The following ITGAM variants were observed in gnomAD, a reference collection of about 807,000 sequenced individuals.
ITGAM encodes the protein integrin alpha-M.
Under a neutral mutation model 137.5 loss-of-function variants are expected in ITGAM, and 79 were observed. That is an observed-to-expected ratio of 0.57 (90% CI 0.48 to 0.69). ITGAM has a LOEUF of 0.69. Ranked by LOEUF, ITGAM falls within the 30% of genes least tolerant of loss-of-function variation. The pLI is 0.00. For synonymous variants in ITGAM, 583 were observed against 592.3 expected, an observed-to-expected ratio of 0.98 and a Z score of 0.23; for missense variants, 1,343 against 1,483.5, an observed-to-expected ratio of 0.91 and a Z score of 1.56.
intron 12 of ITGAM, among the ~76,000 whole-genome samples, chr16:31,281,947 T>A (rs1255514000): frequency 6.6e-6 from 1 of 152,240 alleles, no homozygotes; most frequent in Non-Finnish European, 1.5e-5. Context: ...TCAAAGAACA[T>A]CTTTATTTCT....
intron 14 of ITGAM, among the ~76,000 whole-genome samples, chr16:31,302,924 CTTT>C (rs2080224728): frequency 7.9e-5 from 1 of 12,640 alleles, no homozygotes; most frequent in African/African-American, 3.0e-4. Context: ...CTCCCTCTTT[CTTT>C]CTTTCTTTCT....
intron 2 of ITGAM, among the ~76,000 whole-genome samples, chr16:31,263,098 C>T (rs530052526): frequency 7.2e-5 from 11 of 152,216 alleles, no homozygotes; most frequent in South Asian, 4.1e-4. Flanking sequence ...CCTGCCACCA[C>T]GCCTGGCTAA....
rs1259176616 is a variant in ITGAM, at chr16:31,325,719, A to G, written c.2628+97A>G. ...CTTTAGTAGTGGTTCCTTTTTGTAC[A>G]AAACAGCTTTATTGAGATATAATTC... On this transcript the variant is annotated intron_variant, in intron 21 of 29. Transcript: ENST00000544665. The G allele has an allele frequency of 1.3e-5, 19 of 1,420,636 alleles. No individual in the cohort carries two copies. In the East Asian group the frequency reaches 1.4e-4, roughly 10 times the overall value. The allele number at this position is 1,420,636 out of a possible 1,614,324, so 88.0% of individuals were successfully genotyped here.
At chr16:31,311,377 C>A (rs1018268701) in intron 14 of ITGAM, among the ~76,000 whole-genome samples, 1 of 152,090 alleles carries the variant, frequency 6.6e-6, no homozygotes, top group Non-Finnish European at 1.5e-5. Flanking sequence ...ATTTTTGCAA[C>A]CTACTCATCT....
chr16:31,331,720 G>A lies in ITGAM; in HGVS notation c.*13G>A. The A allele has an allele frequency of 2.5e-6, 4 of 1,584,284 alleles. No individual in the cohort carries two copies. The highest frequency in any genetic ancestry group is 1.7e-4 in the Middle Eastern group (1 of 5,974). Reference sequence around the variant, plus strand: ...CGAACCCCAGTAGCGGCTCCTTCCCGACAGAGCTGCCTCTCGGTGGCCAGC... The same window carrying A: ...CGAACCCCAGTAGCGGCTCCTTCCCAACAGAGCTGCCTCTCGGTGGCCAGC... On this transcript the variant is annotated 3_prime_UTR_variant, in exon 30 of 30. Transcript: ENST00000544665.
intron 12 of ITGAM, among the ~76,000 whole-genome samples, chr16:31,284,074 A>G (rs948591617): frequency 7.9e-5 from 12 of 152,104 alleles, no homozygotes; most frequent in African/African-American, 2.9e-4. Flanking sequence ...TTGCTGCCTG[A>G]TTCTTCCTCT....
At chr16:31,272,728 C>T (rs903358420) in intron 7 of ITGAM, among the ~76,000 whole-genome samples, 1 of 151,100 alleles carries the variant, frequency 6.6e-6, no homozygotes, top group African/African-American at 2.4e-5. Flanking sequence ...AGGTGATTCA[C>T]CTGACTTGGC....
chr16:31,283,835 T>C (rs1002870278), intron 12 of ITGAM, among the ~76,000 whole-genome samples: 4 of 152,254 alleles, frequency 2.6e-5, no homozygotes, highest in Non-Finnish European at 5.9e-5. Context: ...TTTTCTGCTC[T>C]GGTTTCTCCC....
chr16:31,325,236 C>A (rs919936489), intron 19 of ITGAM, 27 bp from the exon 20 acceptor site: 1 of 1,596,580 alleles, frequency 6.3e-7, no homozygotes. Flanking sequence ...GCGCCCCATC[C>A]CCCGGCCTGT....
intron 7 of ITGAM, 51 bp from the exon 8 acceptor site, chr16:31,273,314 T>C: frequency 7.1e-7 from 1 of 1,408,542 alleles, no homozygotes; most frequent in Non-Finnish European, 9.6e-7. Context: ...AAAAAAAAAC[T>C]AGTGTGTCAT....
chr16:31,270,653 A>G (rs1283637302), intron 5 of ITGAM, among the ~76,000 whole-genome samples: 1 of 140,078 alleles, frequency 7.1e-6, no homozygotes, highest in Non-Finnish European at 1.5e-5. Flanking sequence ...AGCTGGGACT[A>G]CAGGCATGTG....
intron 8 of ITGAM, chr16:31,273,794 C>A: frequency 3.5e-6 from 1 of 289,618 alleles, no homozygotes; most frequent in Non-Finnish European, 6.5e-6. Context: ...GGTTGGCAGG[C>A]TGCTCTGCTG....
At chr16:31,268,051 A>G (rs2079789274) in intron 5 of ITGAM, among the ~76,000 whole-genome samples, 1 of 152,074 alleles carries the variant, frequency 6.6e-6, no homozygotes, top group Non-Finnish European at 1.5e-5. Flanking sequence ...ATCAACCACC[A>G]CAATCGATAG....
chr16:31,318,569 C>T (rs2080416172), intron 14 of ITGAM, among the ~76,000 whole-genome samples: 1 of 152,080 alleles, frequency 6.6e-6, no homozygotes, highest in Non-Finnish European at 1.5e-5. Flanking sequence ...GTTTTGAACT[C>T]CTCATCTCAG....
chr16:31,316,397 A>AG (rs1158548332), intron 14 of ITGAM, among the ~76,000 whole-genome samples: 1 of 151,694 alleles, frequency 6.6e-6, no homozygotes, highest in Non-Finnish European at 1.5e-5. Context: ...GAAAAAAAAA[A>AG]AAAAGAAAAG....
In ITGAM at chr16:31,271,914, C is replaced by T; in HGVS notation, c.626C>T (p.Pro209Leu). ...HFTFKEFQNN[P>L]NPRSLVKPIT... ...ACCTTCAAAGAGTTCCAGAACAACC[C>T]TAACCCAAGATCACTGGTGAAGCCA... Residue 209 changes from proline to leucine, a missense_variant, in exon 7 of 30, where the codon CCT becomes CTT. Pro to Leu is a moderately conservative substitution (Grantham distance 98). Coordinates refer to ENST00000544665, the MANE Select transcript of ITGAM (RefSeq NM_000632.4). The T allele has an allele frequency of 6.2e-7, 1 of 1,614,016 alleles. No individual in the cohort carries two copies. Among genetic ancestry groups the T allele is most frequent in the Non-Finnish European group, 8.5e-7 (1 of 1,179,888 alleles).
At chr16:31,307,422 G>A (rs568933177) in intron 14 of ITGAM, among the ~76,000 whole-genome samples, 2 of 152,182 alleles carry the variant, frequency 1.3e-5, no homozygotes, top group East Asian at 3.8e-4. Flanking sequence ...GTGAATGGAA[G>A]TGCACTCATG....
chr16:31,331,700 C>A lies in ITGAM; in HGVS notation c.3452C>A (p.Pro1151His), dbSNP rs747958354. 6.2e-7 allele frequency: 1 copy of A among 1,604,494 alleles called. No homozygotes were observed. Among genetic ancestry groups the A allele is most frequent in the Non-Finnish European group, 8.5e-7 (1 of 1,175,712 alleles). The change falls in exon 30 of 30, where the codon CCC becomes CAC. Residue 1151 changes from proline (P) to histidine (H), a missense_variant. Physicochemically the swap from Pro to His is moderately conservative, Grantham distance 77 (BLOSUM62 -2). Transcript: ENST00000544665. ...MSEGGPPGAE[P>H]Q The stretch of plus-strand genomic sequence containing the variant: ...GAAGGGGGTCCCCCGGGGGCCGAAC[C>A]CCAGTAGCGGCTCCTTCCCGACAGA...
In ITGAM at chr16:31,325,145, TG is replaced by T. The variant is rs2080493790; in HGVS notation, c.2363+116del. The stretch of plus-strand genomic sequence containing the variant: ...TGTTCCTGGGCTATAAGGTCCGGTG[TG>T]GCTGCCCCTCCACTGTTGTCTCTTC... On this transcript the variant is annotated intron_variant, in intron 19 of 29. Coordinates refer to ENST00000544665, the MANE Select transcript of ITGAM (RefSeq NM_000632.4). 11 of 1,466,630 alleles carry T rather than the reference TG, an allele frequency of 7.5e-6. No homozygotes were observed. The South Asian group carries it at 1.0e-4, about 14-fold the overall frequency. The allele number at this position is 1,466,630 out of a possible 1,614,324, so 90.9% of individuals were successfully genotyped here. A position where few individuals can be genotyped will look rare whatever the true frequency, so the allele number is the denominator to read the frequency against.
Sources: gnomAD v4.1 joint callset for allele counts (sites outside exome capture counted in the v4.1 genomes callset) on GRCh38, gnomAD v4.1.1 for gene constraint, MANE v1.5 for transcripts, NCBI Gene and HGNC (gene_info 2026-07-23, HGNC 2026-07-21) for gene names.